SLC12A2: variants seen among roughly 807,000 people sequenced by gnomAD.
The protein encoded by SLC12A2 is Na-K-2Cl cotransporter 1.
In SLC12A2, 67 loss-of-function variants were observed where a neutral mutation model predicts 136.3. That is an observed-to-expected ratio of 0.49 (90% CI 0.40 to 0.60). The LOEUF is 0.60. Among genes scored for constraint, SLC12A2 ranks in the 20% least tolerant of loss-of-function variants. The pLI is 0.00. For missense variants in SLC12A2, 1,322 were observed against 1,534.7 expected, an observed-to-expected ratio of 0.86 and a Z score of 2.32; for synonymous variants, 619 against 562.9, an observed-to-expected ratio of 1.10 and a Z score of -1.41.
At chr5:128,169,749 T>C (rs1376044296) in intron 18 of SLC12A2, 3 of 152,120 alleles carry the variant, frequency 2.0e-5, no homozygotes, top group Admixed American at 6.5e-5. Context: ...GACGTAATTA[T>C]CCTAAAAAAT....
chr5:128,104,108 C>A lies in SLC12A2; in HGVS notation c.757-8706C>A, dbSNP rs1760838003. Among the ~76,000 whole-genome samples the A allele has an allele frequency of 1.3e-5, 2 of 152,046 alleles. 1 individual carries two copies. The highest frequency in any genetic ancestry group is 4.8e-5 in the African/African-American group (2 of 41,380). The stretch of plus-strand genomic sequence containing the variant: ...CGGAAACCCAGGGGTCTAGAGGTTG[C>A]AGTGGGAAAGTATCTAAGGGAAGAG... On this transcript the variant is annotated intron_variant, in intron 1 of 26. Transcript: ENST00000262461.
At position 128,084,267 on chromosome 5, in the gene SLC12A2, G is replaced by T; in HGVS notation, c.313G>T (p.Ala105Ser). Residue 105 changes from alanine to serine, a missense_variant, in exon 1 of 27, where the codon GCG becomes TCG. Ala to Ser is a moderately conservative substitution (Grantham distance 99). This residue lies in a region of SLC12A2 where 358 missense variants were observed against 299.7 expected (regional missense o/e 1.19). Transcript: ENST00000262461. The surrounding 1 kb of genome is among the most constrained non-coding windows in gnomAD (Gnocchi z 5.6). The stretch of plus-strand genomic sequence containing the variant: ...GGCGGCGGCGGCGGCGGCGGCAGCG[G>T]CGGCGGCTGGTGCTGGGGCGGGGGC... ...AAAAAAAAAAAAAGAGAGAKQ... is the reference protein window; with the variant it reads ...AAAAAAAAAASAAGAGAGAKQ... 1 of 1,295,150 alleles carries T rather than the reference G, an allele frequency of 7.7e-7. No homozygotes were observed. The highest frequency in any genetic ancestry group is 9.7e-7 in the Non-Finnish European group (1 of 1,033,550). The allele number at this position is 1,295,150 out of a possible 1,614,324, so 80.2% of individuals were successfully genotyped here.
intron 17 of SLC12A2, among the ~76,000 whole-genome samples, chr5:128,162,701 G>A (rs1272621211): frequency 1.3e-5 from 2 of 152,032 alleles, no homozygotes; most frequent in East Asian, 3.9e-4. Context: ...GTCAGTAACA[G>A]AAAAAAAGCG....
At chr5:128,133,217 ATGGG>A (rs2126700666) in intron 5 of SLC12A2, among the ~76,000 whole-genome samples, 1 of 152,264 alleles carries the variant, frequency 6.6e-6, no homozygotes, top group African/African-American at 2.4e-5. Flanking sequence ...ATGAAATTGA[ATGGG>A]ACCCTTGAAG....
intron 25 of SLC12A2, 142 bp from the exon 26 acceptor site, chr5:128,184,647 T>TA (rs898504825): frequency 3.4e-5 from 48 of 1,423,852 alleles, no homozygotes; most frequent in East Asian, 4.8e-5. Flanking sequence ...AAAGCATTTT[T>TA]AAAAAAAATA....
At chr5:128,119,812 T>C (rs1247321364) in intron 4 of SLC12A2, among the ~76,000 whole-genome samples, 3 of 152,112 alleles carry the variant, frequency 2.0e-5, no homozygotes, top group Non-Finnish European at 4.4e-5. Context: ...GGACTGCATG[T>C]CTAAAACACC....
chr5:128,174,416 T>C, intron 19 of SLC12A2, 125 bp from the exon 20 acceptor site: 2 of 661,446 alleles, frequency 3.0e-6, no homozygotes, highest in Non-Finnish European at 2.5e-6. Flanking sequence ...ATCATAGTTG[T>C]TTAAATAAGA....
chr5:128,147,495 T>A, intron 10 of SLC12A2, 127 bp from the exon 11 acceptor site: 2 of 591,880 alleles, frequency 3.4e-6, no homozygotes, highest in East Asian at 5.8e-5. Flanking sequence ...CACATAGCGT[T>A]GTTGTTATTA....
chr5:128,084,286 C>A lies in SLC12A2; in HGVS notation c.332C>A (p.Ala111Glu). Residue 111 changes from alanine to glutamate, a missense_variant, in exon 1 of 27, where the codon GCG (alanine) becomes GAG (glutamate). Coordinates refer to ENST00000262461, the MANE Select transcript of SLC12A2 (RefSeq NM_001046.3). This position sits in a 1 kb window ranked among gnomAD's most constrained non-coding sequence, Gnocchi z 5.6. ...AAAAAAAGAG[A>E]GAKQTPADGE... ...GCAGCGGCGGCGGCTGGTGCTGGGG[C>A]GGGGGCCAAGCAGACCCCCGCGGAC... The A allele has an allele frequency of 1.4e-6, 2 of 1,456,616 alleles. No homozygotes were observed. The highest frequency in any genetic ancestry group is 2.2e-4 in the Middle Eastern group (1 of 4,526). The allele number at this position is 1,456,616 out of a possible 1,614,324, so 90.2% of individuals were successfully genotyped here. A position where few individuals can be genotyped will look rare whatever the true frequency, so the allele number is the denominator to read the frequency against.
At chr5:128,153,530 A>G (rs141018252) in intron 15 of SLC12A2, among the ~76,000 whole-genome samples, 113 of 152,224 alleles carry the variant, frequency 7.4e-4, no homozygotes, top group Middle Eastern at 3.4e-3. Context: ...ACTCCAGCCT[A>G]GGCAACAGAG....
At chr5:128,172,770 G>C (rs1256800954) in intron 19 of SLC12A2, among the ~76,000 whole-genome samples, 7 of 152,112 alleles carry the variant, frequency 4.6e-5, no homozygotes. Flanking sequence ...AGACCAGTCT[G>C]ACCAGCATGG....
chr5:128,105,847 G>A (rs2126659744), intron 1 of SLC12A2, among the ~76,000 whole-genome samples: 1 of 152,130 alleles, frequency 6.6e-6, no homozygotes, highest in South Asian at 2.1e-4. Flanking sequence ...TCATCTGTTT[G>A]CATAGCTTCT....
chr5:128,086,916 A>G (rs1389870196), intron 1 of SLC12A2, among the ~76,000 whole-genome samples: 1 of 152,224 alleles, frequency 6.6e-6, no homozygotes, highest in Non-Finnish European at 1.5e-5. Flanking sequence ...GAATTATAAT[A>G]TTTAGAATTT....
At position 128,184,463 on chromosome 5, in the gene SLC12A2, C is replaced by T. The variant is rs747023237; in HGVS notation, c.3397C>T (p.Arg1133Ter). 4.4e-6 allele frequency: 7 copies of T among 1,606,914 alleles called. No individual in the cohort carries two copies. Among genetic ancestry groups the T allele is most frequent in the African/African-American group, 2.7e-5 (2 of 74,496 alleles). ...TAAAATGAAAGAAGATGAACCATGG[C>T]GAATAACAGATAATGAGCTTGAACT... Reference protein sequence around the residue: ...ADKMKEDEPWRITDNELELYK... With the variant: ...ADKMKEDEPW The change falls in exon 25 of 27, where the codon CGA becomes TGA. Residue 1133 changes from arginine to a stop codon, truncating the protein, a stop_gained. Coordinates refer to ENST00000262461, the MANE Select transcript of SLC12A2 (RefSeq NM_001046.3). LOFTEE classifies it high-confidence loss of function.
At chr5:128,110,844 A>G (rs1205151449) in intron 1 of SLC12A2, 1 of 1,460,752 alleles carries the variant, frequency 6.8e-7, no homozygotes, top group Non-Finnish European at 9.6e-7. Flanking sequence ...ATGATGACAT[A>G]TTCTGTTATT....
At chr5:128,109,476 C>T (rs143511865) in intron 1 of SLC12A2, 11 of 505,862 alleles carry the variant, frequency 2.2e-5, no homozygotes, top group East Asian at 4.1e-5. Context: ...TTCGAGAGTC[C>T]GTCTTGTAAA....
chr5:128,092,036 G>T (rs1293329864), intron 1 of SLC12A2, among the ~76,000 whole-genome samples: 1 of 152,164 alleles, frequency 6.6e-6, no homozygotes, highest in Non-Finnish European at 1.5e-5. Flanking sequence ...AGCGTAGGTG[G>T]TTTGGCAGGG....
intron 18 of SLC12A2, among the ~76,000 whole-genome samples, 157 bp from the exon 19 acceptor site, chr5:128,171,510 A>G (rs1763374666): frequency 6.6e-6 from 1 of 152,236 alleles, no homozygotes; most frequent in East Asian, 1.9e-4. Flanking sequence ...ACTAACATAC[A>G]TATCTCAACA....
At position 128,187,282 on chromosome 5, in the gene SLC12A2, C is replaced by G. The variant is rs1373318653; in HGVS notation, c.*651C>G. On this transcript the variant is annotated 3_prime_UTR_variant, in exon 27 of 27. Coordinates refer to ENST00000262461, the MANE Select transcript of SLC12A2 (RefSeq NM_001046.3). ...GAATATAGAGCTAGGAAAAAAAGCC[C>G]CCCCAAATACCTTTTTAACCCCTCT... The G allele has an allele frequency of 6.6e-6, 1 of 151,908 alleles. No homozygotes were observed. Among genetic ancestry groups the G allele is most frequent in the Non-Finnish European group, 1.5e-5 (1 of 67,964 alleles). 9.4% of individuals were successfully genotyped at this position (151,908 alleles called of 1,614,324 possible).
Sources: gnomAD v4.1 joint callset for allele counts (sites outside exome capture counted in the v4.1 genomes callset) on GRCh38, gnomAD v4.1.1 for gene constraint, gnomAD v4.1.1 regional missense constraint, Gnocchi (gnomAD v3.1) non-coding constraint, MANE v1.5 for transcripts, NCBI Gene and HGNC (gene_info 2026-07-23, HGNC 2026-07-21) for gene names.